GAP43: variants seen among roughly 807,000 people sequenced by gnomAD.
GAP43 encodes the protein neuromodulin.
In GAP43, 6 loss-of-function variants were observed where a neutral mutation model predicts 18.6. The observed-to-expected ratio is 0.32, with a 90% CI of 0.18 to 0.64. The LOEUF (loss-of-function observed/expected upper bound fraction) is 0.64. Among genes scored for constraint, GAP43 ranks in the 30% least tolerant of loss-of-function variants. The pLI is 0.78. For missense variants in GAP43, 292 were observed against 295.5 expected (o/e 0.99, Z 0.09); for synonymous variants, 115 against 111.4 (o/e 1.03, Z -0.20).
At chr3:115,681,625 AG>A (rs376136086) in intron 2 of GAP43, among the ~76,000 whole-genome samples, 5 of 152,320 alleles carry the variant, frequency 3.3e-5, no homozygotes, top group African/African-American at 1.2e-4. Flanking sequence ...TCTCATCCTT[AG>A]GAAAAGGGAC....
At chr3:115,673,769 T>C (rs1708842565) in intron 1 of GAP43, among the ~76,000 whole-genome samples, 2 of 152,098 alleles carry the variant, frequency 1.3e-5, no homozygotes, top group African/African-American at 4.8e-5. Flanking sequence ...TGATAGTACA[T>C]CAGAGAACTG....
chr3:115,663,026 C>T (rs763299065), intron 1 of GAP43, among the ~76,000 whole-genome samples: 1 of 152,108 alleles, frequency 6.6e-6, no homozygotes, highest in African/African-American at 2.4e-5. Flanking sequence ...CCAAAGGGTT[C>T]GGTGTTTCTC....
chr3:115,675,717 C>T (rs1708873788), intron 1 of GAP43, among the ~76,000 whole-genome samples: 1 of 141,818 alleles, frequency 7.1e-6, no homozygotes. Flanking sequence ...TGAGACCACG[C>T]CATTGTACTC....
At chr3:115,645,656 A>G (rs945393081) in intron 1 of GAP43, among the ~76,000 whole-genome samples, 1 of 151,950 alleles carries the variant, frequency 6.6e-6, no homozygotes, top group Non-Finnish European at 1.5e-5. Context: ...ACCCCTTAAT[A>G]TATTTTAGAA....
chr3:115,659,538 A>G (rs1284617678), intron 1 of GAP43, among the ~76,000 whole-genome samples: 1 of 151,912 alleles, frequency 6.6e-6, no homozygotes, highest in East Asian at 1.9e-4. Context: ...ATTAAACACT[A>G]CGATGTGATG....
chr3:115,661,349 G>A (rs1224233166), intron 1 of GAP43: 1 of 152,202 alleles, frequency 6.6e-6, no homozygotes, highest in Non-Finnish European at 1.5e-5. Context: ...CATCTGAGTT[G>A]AGCAAGCTGC....
At chr3:115,719,268 GA>G (rs34600347) in intron 2 of GAP43, among the ~76,000 whole-genome samples, 78,234 of 148,578 alleles carry the variant, frequency 0.53, 21,016 homozygotes, top group East Asian at 0.74. Context: ...AGGGATTGAG[GA>G]AAAAAAAAAA....
intron 2 of GAP43, among the ~76,000 whole-genome samples, chr3:115,694,233 G>A (rs1002869565): frequency 3.9e-5 from 6 of 152,304 alleles, no homozygotes; most frequent in East Asian, 1.9e-4. Context: ...GCTCCACCCC[G>A]AAGCCATCTA....
intron 2 of GAP43, among the ~76,000 whole-genome samples, chr3:115,683,147 G>GCGCGCACACACACACA (rs1252333447): frequency 1.6e-5 from 2 of 127,396 alleles, no homozygotes; most frequent in African/African-American, 6.1e-5. Context: ...GCGCGCGCGC[G>GCGCGCACACACACACA]CACACACACA....
chr3:115,644,811 A>G lies in GAP43; in HGVS notation c.30+21092A>G, dbSNP rs937311760. Among the ~76,000 whole-genome samples the G allele has an allele frequency of 7.2e-5, 11 of 152,212 alleles. No homozygotes were observed. Among genetic ancestry groups the G allele is most frequent in the Non-Finnish European group, 1.3e-4 (9 of 67,960 alleles). The stretch of plus-strand genomic sequence containing the variant: ...ATGTCAGACACTGGGTTCTGTGCTT[A>G]TAACCTGATCTCAAATCAAAACCCA... On this transcript the variant is annotated intron_variant, in intron 1 of 2. Coordinates refer to ENST00000305124, the MANE Select transcript of GAP43 (RefSeq NM_002045.4). This position sits in a 1 kb window ranked among gnomAD's most constrained non-coding sequence, Gnocchi z 4.2.
chr3:115,639,571 C>T (rs1708372268), intron 1 of GAP43, among the ~76,000 whole-genome samples: 1 of 152,068 alleles, frequency 6.6e-6, no homozygotes, highest in African/African-American at 2.4e-5. Context: ...CTTACCTTCT[C>T]TAGTTAAAAA....
In GAP43 at chr3:115,676,535, G is replaced by A; in HGVS notation, c.553G>A (p.Glu185Lys). The A allele has an allele frequency of 6.2e-7, 1 of 1,613,630 alleles. No individual in the cohort carries two copies. The highest frequency in any genetic ancestry group is 1.1e-5 in the South Asian group (1 of 91,058). The stretch of plus-strand genomic sequence containing the variant: ...TGCTGCTGCCACCACCCCTGCCGCA[G>A]AGGATGCTGCTGCCAAGGCAACAGC... ...TAAAATTPAAEDAAAKATAQP... is the reference protein window; with the variant it reads ...TAAAATTPAAKDAAAKATAQP... Residue 185 changes from glutamate (E) to lysine (K), a missense_variant, in exon 2 of 3, where the codon GAG becomes AAG. By Grantham distance (56) the Glu-to-Lys change is moderately conservative (BLOSUM62 1). Coordinates refer to ENST00000305124, the MANE Select transcript of GAP43 (RefSeq NM_002045.4).
intron 1 of GAP43, among the ~76,000 whole-genome samples, chr3:115,637,191 T>C (rs1032707709): frequency 6.6e-6 from 1 of 152,070 alleles, no homozygotes; most frequent in Non-Finnish European, 1.5e-5. Context: ...TTGGCATTCA[T>C]CAAGCAGAGC....
chr3:115,657,290 G>A (rs1365946529), intron 1 of GAP43, among the ~76,000 whole-genome samples: 1 of 152,160 alleles, frequency 6.6e-6, no homozygotes, highest in East Asian at 1.9e-4. Context: ...TAAGGAGAAA[G>A]ACTGCTTAGG....
At chr3:115,705,625 C>T (rs1013074765) in intron 2 of GAP43, among the ~76,000 whole-genome samples, 4 of 151,706 alleles carry the variant, frequency 2.6e-5, no homozygotes, top group Non-Finnish European at 2.9e-5. Flanking sequence ...AATAGAAATA[C>T]CAAAACATAA....
chr3:115,714,609 T>C lies in GAP43; in HGVS notation c.629-6185T>C, dbSNP rs71323408. The stretch of plus-strand genomic sequence containing the variant: ...ATATGACTATGTTCCATTTGAAAAA[T>C]TTGTGTCTTGAAAAAACTTTTTTCC... On this transcript the variant is annotated intron_variant, in intron 2 of 2. Transcript: ENST00000305124. Among the ~76,000 whole-genome samples, 671 of 152,160 alleles carry C rather than the reference T, an allele frequency of 4.4e-3. 3 individuals are homozygous for C. Among genetic ancestry groups the C allele is most frequent in the Non-Finnish European group, 7.8e-3 (532 of 67,996 alleles).
Position 115,721,102 on chromosome 3 carries a change from A to AT in GAP43, c.*226dup, listed in dbSNP as rs1709572317. ...CCAAGTCAAACAGTGTGGCTTAAAC[A>AT]TTTTTTGTTTCTTGGTGTTGTTATG... On this transcript the variant is annotated 3_prime_UTR_variant, in exon 3 of 3. Coordinates refer to ENST00000305124, the MANE Select transcript of GAP43 (RefSeq NM_002045.4). 6 of 281,490 alleles carry AT rather than the reference A, an allele frequency of 2.1e-5. No homozygotes were observed. In the East Asian group the frequency reaches 3.7e-4, roughly 17 times the overall value. 17.4% of individuals were successfully genotyped at this position (281,490 alleles called of 1,614,324 possible).
In GAP43 at chr3:115,685,467, A is replaced by G. The variant is rs1303777346; in HGVS notation, c.628+8857A>G. On this transcript the variant is annotated intron_variant, in intron 2 of 2. Transcript: ENST00000305124. ...CTGCTGTTGCTCCACTGTAGGGTGA[A>G]TTGTTATTGTGTTCCCAAACCAACA... Among the ~76,000 whole-genome samples, 6 of 152,282 alleles carry G rather than the reference A, an allele frequency of 3.9e-5. No individual in the cohort carries two copies. In the East Asian group the frequency reaches 1.2e-3, roughly 29 times the overall value.
intron 1 of GAP43, among the ~76,000 whole-genome samples, chr3:115,673,338 T>C (rs765712658): frequency 6.6e-6 from 1 of 152,204 alleles, no homozygotes; most frequent in Non-Finnish European, 1.5e-5. Flanking sequence ...TCTTTGTGAT[T>C]TCCAGCTTTT....
Sources: allele counts gnomAD v4.1 joint callset (sites outside exome capture counted in the v4.1 genomes callset), GRCh38; gene constraint gnomAD v4.1.1; non-coding constraint Gnocchi (gnomAD v3.1); transcripts MANE v1.5; gene names NCBI Gene and HGNC (gene_info 2026-07-23, HGNC 2026-07-21).